NR2F6: variants seen among roughly 807,000 people sequenced by gnomAD.
The protein encoded by NR2F6 is ERBA-related gene-2.
In NR2F6, 16 loss-of-function variants were observed where a neutral mutation model predicts 26.5. The observed-to-expected ratio is 0.60, with a 90% CI of 0.41 to 0.92. NR2F6 has a LOEUF of 0.92. NR2F6 is among the 40% of genes least tolerant of loss of function. The pLI is 0.00. For missense variants in NR2F6, 536 were observed against 631.7 expected, an observed-to-expected ratio of 0.85 and a Z score of 1.62; for synonymous variants, 325 against 305.0, an observed-to-expected ratio of 1.07 and a Z score of -0.68.
At position 17,235,782 on chromosome 19, in the gene NR2F6, G is replaced by A; in HGVS notation, c.657C>T (p.His219=). Residue 219 remains histidine (H), a synonymous_variant, in exon 3 of 4, where the codon CAC becomes CAT. Coordinates refer to ENST00000291442, the MANE Select transcript of NR2F6 (RefSeq NM_005234.4). The surrounding 1 kb of genome is among the most constrained non-coding windows in gnomAD (Gnocchi z 5.0). ...LLFSTVEWAR[H]APFFPELPVA... ...CCGGCAGCTCGGGGAAGAAGGGCGCGTGGCGCGCCCACTCCACGGTGCTGA... is the reference window on the plus strand; with the variant it reads ...CCGGCAGCTCGGGGAAGAAGGGCGCATGGCGCGCCCACTCCACGGTGCTGA... 9 of 1,496,646 alleles carry A rather than the reference G, an allele frequency of 6.0e-6. No homozygotes were observed. The highest frequency in any genetic ancestry group is 8.0e-6 in the Non-Finnish European group (9 of 1,131,692). The allele number at this position is 1,496,646 out of a possible 1,614,324, so 92.7% of individuals were successfully genotyped here.
intron 1 of NR2F6, chr19:17,244,490 C>A (rs1257288701): frequency 1.3e-5 from 2 of 159,622 alleles, no homozygotes; most frequent in Non-Finnish European, 2.7e-5. Context: ...CGCGCCGTAT[C>A]GATCCGCGCG....
At position 17,235,880 on chromosome 19, in the gene NR2F6, C is replaced by T. The variant is rs953509949; in HGVS notation, c.559G>A (p.Gly187Ser). 8.9e-6 allele frequency: 13 copies of T among 1,463,776 alleles called. No individual in the cohort carries two copies. In the African/African-American group the frequency reaches 1.5e-4, roughly 17 times the overall value. The allele number at this position is 1,463,776 out of a possible 1,614,324, so 90.7% of individuals were successfully genotyped here. The part of the protein sequence containing the change: ...EPYPAAAGRF[G>S]AGGGAAGAVL... ...GCGCCCGCCGCGCCGCCCCCTGCGCCGAAGCGTCCGGCCGCCGCAGGGTAG... is the reference window on the plus strand; with the variant it reads ...GCGCCCGCCGCGCCGCCCCCTGCGCTGAAGCGTCCGGCCGCCGCAGGGTAG... Residue 187 changes from glycine (G) to serine (S), a missense_variant, in exon 3 of 4, where the codon GGC becomes AGC. Coordinates refer to ENST00000291442, the MANE Select transcript of NR2F6 (RefSeq NM_005234.4). This position sits in a 1 kb window ranked among gnomAD's most constrained non-coding sequence, Gnocchi z 5.0.
intron 2 of NR2F6, among the ~76,000 whole-genome samples, chr19:17,238,672 A>T (rs2073452287): frequency 6.6e-6 from 1 of 152,216 alleles, no homozygotes; most frequent in Non-Finnish European, 1.5e-5. Context: ...GGGACAAGAA[A>T]GTTACCCCCA....
chr19:17,242,807 G>A lies in NR2F6; in HGVS notation c.279-2042C>T, dbSNP rs559944413. Reference sequence around the variant, plus strand: ...ACCTTCAGTCTCAACTTCCCCAGCTGTGGAATTGGGACAGATCCATCCCTC... The same window carrying A: ...ACCTTCAGTCTCAACTTCCCCAGCTATGGAATTGGGACAGATCCATCCCTC... On this transcript the variant is annotated intron_variant, in intron 1 of 3. Coordinates refer to ENST00000291442, the MANE Select transcript of NR2F6 (RefSeq NM_005234.4). Among the ~76,000 whole-genome samples, 27 of 152,334 alleles carry A rather than the reference G, an allele frequency of 1.8e-4. No individual in the cohort carries two copies. The South Asian group carries it at 5.6e-3, about 32-fold the overall frequency.
At chr19:17,234,933 A>T (rs552712537) in intron 3 of NR2F6, among the ~76,000 whole-genome samples, 76 of 152,288 alleles carry the variant, frequency 5.0e-4, no homozygotes, top group African/African-American at 1.7e-3. Context: ...CTGGAATACG[A>T]TGGGCTACCA....
In NR2F6 at chr19:17,245,016, C is replaced by A. The variant is rs866938562; in HGVS notation, c.205G>T (p.Gly69Cys). 6.3e-7 allele frequency: 1 copy of A among 1,599,416 alleles called. No homozygotes were observed. The highest frequency in any genetic ancestry group is 2.3e-5 in the East Asian group (1 of 44,104). The change falls in exon 1 of 4, where the codon GGT (glycine) becomes TGT (cysteine). Residue 69 changes from glycine (G) to cysteine (C), a missense_variant. Gly to Cys is a radical substitution (Grantham distance 159, BLOSUM62 -3). Transcript: ENST00000291442. This position sits in a 1 kb window ranked among gnomAD's most constrained non-coding sequence, Gnocchi z 5.0. The stretch of plus-strand genomic sequence containing the variant: ...TTGCAGCCCTCGCAGGTGAAGACAC[C>A]GTAATGCTTGCCGCTCGACTTGTCC... ...CGDKSSGKHYGVFTCEGCKSF... is the reference protein window; with the variant it reads ...CGDKSSGKHYCVFTCEGCKSF...
chr19:17,240,366 G>A (rs1335376213), intron 2 of NR2F6, among the ~76,000 whole-genome samples: 1 of 152,252 alleles, frequency 6.6e-6, no homozygotes, highest in Non-Finnish European at 1.5e-5. Flanking sequence ...GGCAGCTCCT[G>A]CAAGAGAATG....
chr19:17,237,656 C>T (rs966563499), intron 2 of NR2F6, among the ~76,000 whole-genome samples: 2 of 152,016 alleles, frequency 1.3e-5, no homozygotes, highest in African/African-American at 2.4e-5. Context: ...GTGATCTGCC[C>T]ACCTCGGCCT....
At chr19:17,237,212 G>A (rs2073443718) in intron 2 of NR2F6, among the ~76,000 whole-genome samples, 1 of 152,176 alleles carries the variant, frequency 6.6e-6, no homozygotes, top group Non-Finnish European at 1.5e-5. Context: ...ACTGTCAAAT[G>A]GGGATAGGTG....
intron 1 of NR2F6, among the ~76,000 whole-genome samples, chr19:17,243,719 T>C (rs1168502755): frequency 1.3e-5 from 2 of 152,160 alleles, no homozygotes. Context: ...CTCGGGTACC[T>C]GGGGCCCTAT....
intron 3 of NR2F6, among the ~76,000 whole-genome samples, chr19:17,233,053 G>A (rs2073416551): frequency 6.6e-6 from 1 of 152,194 alleles, no homozygotes; most frequent in Admixed American, 6.5e-5. Context: ...GAAGGCTAAT[G>A]GGAGGATCGC....
chr19:17,235,542 C>A lies in NR2F6; in HGVS notation c.897G>T (p.Ser299=), dbSNP rs1356072209. ...TGGCCTTGAGGCAGCCATACTCGGC[C>A]GAGTCGACCTGCAGGCGGCCCAGCT... ...VDKLGRLQVD[S]AEYGCLKAIA... Residue 299 remains serine (S), a synonymous_variant, in exon 3 of 4, where the codon TCG becomes TCT. Coordinates refer to ENST00000291442, the MANE Select transcript of NR2F6 (RefSeq NM_005234.4). This position sits in a 1 kb window ranked among gnomAD's most constrained non-coding sequence, Gnocchi z 5.0. The A allele has an allele frequency of 1.3e-6, 2 of 1,596,664 alleles. No homozygotes were observed.
In NR2F6 at chr19:17,232,176, G is replaced by T. The variant is rs2073410935; in HGVS notation, c.*176C>A. 2.1e-6 allele frequency: 2 copies of T among 938,120 alleles called. No individual in the cohort carries two copies. The highest frequency in any genetic ancestry group is 1.5e-6 in the Non-Finnish European group (1 of 646,548). The allele number at this position is 938,120 out of a possible 1,614,324, so 58.1% of individuals were successfully genotyped here. A position where few individuals can be genotyped will look rare whatever the true frequency, so the allele number is the denominator to read the frequency against. On this transcript the variant is annotated 3_prime_UTR_variant, in exon 4 of 4. Coordinates refer to ENST00000291442, the MANE Select transcript of NR2F6 (RefSeq NM_005234.4). ...GGCCTGGATGATCAGTCTCTTTTTG[G>T]TTTCATGATCATTTAAAAAACAGAA...
intron 2 of NR2F6, among the ~76,000 whole-genome samples, chr19:17,238,505 C>T (rs2073451470): frequency 6.6e-6 from 1 of 152,174 alleles, no homozygotes; most frequent in South Asian, 2.1e-4. Context: ...GGACCCGAGG[C>T]AGGTGTGCTT....
intron 2 of NR2F6, 49 bp downstream of exon 2, chr19:17,240,622 G>A (rs1334293909): frequency 1.1e-5 from 18 of 1,581,142 alleles, no homozygotes; most frequent in Admixed American, 1.7e-5. Flanking sequence ...TGTTCACCCC[G>A]GCTCCAGCGG....
At position 17,240,676 on chromosome 19, in the gene NR2F6, T is replaced by C; in HGVS notation, c.368A>G (p.Lys123Arg). 1 of 1,614,188 alleles carries C rather than the reference T, an allele frequency of 6.2e-7. No individual in the cohort carries two copies. Among genetic ancestry groups the C allele is most frequent in the Non-Finnish European group, 8.5e-7 (1 of 1,180,024 alleles). ...TGTCCCCAGCACGTACTCACCCTCC[T>C]TCCTCATGCCCACCCGGAAGCACTT... ...LKKCFRVGMRKEAVQRGRIPH... is the reference protein window; with the variant it reads ...LKKCFRVGMRREAVQRGRIPH... Residue 123 changes from lysine to arginine, a missense_variant, in exon 2 of 4, where the codon AAG (lysine) becomes AGG (arginine). Lys to Arg is a conservative substitution (Grantham distance 26). Coordinates refer to ENST00000291442, the MANE Select transcript of NR2F6 (RefSeq NM_005234.4).
At chr19:17,241,350 T>C (rs1420011348) in intron 1 of NR2F6, among the ~76,000 whole-genome samples, 2 of 151,578 alleles carry the variant, frequency 1.3e-5, no homozygotes, top group Admixed American at 1.3e-4. Context: ...GTCACTCTGG[T>C]CCTCAGCCCT....
rs982449632 is a variant in NR2F6, at chr19:17,245,116, G to T, written c.105C>A (p.Pro35=). The change falls in exon 1 of 4, where the codon CCC becomes CCA. Residue 35 remains proline (P), a synonymous_variant. Transcript: ENST00000291442. The surrounding 1 kb of genome is among the most constrained non-coding windows in gnomAD (Gnocchi z 5.0). ...PRAAEDDSAS[P]PGAASDAEPG... ...GCTCGGCGTCGCTGGCGGCACCGGGGGGCGAGGCCGAGTCGTCCTCGGCCG... is the reference window on the plus strand; with the variant it reads ...GCTCGGCGTCGCTGGCGGCACCGGGTGGCGAGGCCGAGTCGTCCTCGGCCG... The T allele has an allele frequency of 6.5e-7, 1 of 1,538,490 alleles. No individual in the cohort carries two copies. The highest frequency in any genetic ancestry group is 1.4e-5 in the African/African-American group (1 of 70,694).
At chr19:17,241,184 G>C (rs1192690479) in intron 1 of NR2F6, among the ~76,000 whole-genome samples, 1 of 152,206 alleles carries the variant, frequency 6.6e-6, no homozygotes, top group Admixed American at 6.5e-5. Context: ...TCCCCAAAAA[G>C]ATGTGAAGGC....
Sources: allele counts gnomAD v4.1 joint callset (sites outside exome capture counted in the v4.1 genomes callset), GRCh38; gene constraint gnomAD v4.1.1; non-coding constraint Gnocchi (gnomAD v3.1); transcripts MANE v1.5; gene names NCBI Gene and HGNC (gene_info 2026-07-23, HGNC 2026-07-21).